MTMR8: variants seen among roughly 807,000 people sequenced by gnomAD.
The protein encoded by MTMR8 is myotubularin related protein 8.
Under a neutral mutation model 39.3 loss-of-function variants are expected in MTMR8, and 65 were observed. That is an observed-to-expected ratio of 1.65 (90% CI 1.35 to 2.03). The LOEUF is 2.03. Ranked by LOEUF, MTMR8 falls within the 30% of genes most tolerant of loss-of-function variation. The probability of loss-of-function intolerance (pLI) is 0.00; values close to 1 mark genes in which losing one functional copy is unlikely to be tolerated. For synonymous variants in MTMR8, 245 were observed against 185.2 expected (o/e 1.32, Z -2.62); for missense variants, 777 against 538.9 (o/e 1.44, Z -4.37).
At chrX:64,281,757 A>AACAG (rs199752322) in intron 12 of MTMR8, among the ~76,000 whole-genome samples, 25,612 of 110,004 alleles carry the variant, frequency 0.23, 7,342 homozygotes, top group African/African-American at 0.81. Context: ...CATCAGAGTG[A>AACAG]ACAACCTACA....
chrX:64,278,633 T>C (rs921240562), intron 12 of MTMR8, among the ~76,000 whole-genome samples: 1 of 107,763 alleles, frequency 9.3e-6, no homozygotes, highest in Non-Finnish European at 1.9e-5. Context: ...GCCACCATGC[T>C]CAACTAATTT....
intron 12 of MTMR8, among the ~76,000 whole-genome samples, chrX:64,313,025 A>T (rs960832947): frequency 5.3e-5 from 6 of 112,304 alleles, no homozygotes; most frequent in African/African-American, 1.9e-4. Flanking sequence ...TAAGGGCCCT[A>T]GGATTTTTGG....
chrX:64,315,876 C>A (rs1405722719), intron 12 of MTMR8, among the ~76,000 whole-genome samples: 1 of 110,834 alleles, frequency 9.0e-6, no homozygotes, highest in Non-Finnish European at 1.9e-5. Context: ...TTGAGTGTAT[C>A]TCCTTGTATA....
At chrX:64,373,265 C>A (rs2147242056) in intron 1 of MTMR8, among the ~76,000 whole-genome samples, 1 of 111,580 alleles carries the variant, frequency 9.0e-6, no homozygotes, top group Non-Finnish European at 1.9e-5. Flanking sequence ...TTTCCCAAAT[C>A]CTATGTTGAA....
intron 1 of MTMR8, among the ~76,000 whole-genome samples, chrX:64,389,038 C>T (rs1449026563): frequency 3.6e-5 from 4 of 111,706 alleles, no homozygotes; most frequent in Non-Finnish European, 7.5e-5. Context: ...CTTCGTATTT[C>T]CAGCTCTGGG....
intron 1 of MTMR8, among the ~76,000 whole-genome samples, chrX:64,373,157 C>G (rs777848680): frequency 1.8e-5 from 2 of 112,104 alleles, no homozygotes; most frequent in Non-Finnish European, 3.8e-5. Context: ...ATTAACTTAT[C>G]GAAGACCACA....
In MTMR8 at chrX:64,345,115, G is replaced by T. The variant is rs368859997; in HGVS notation, c.795C>A (p.Asn265Lys). Residue 265 changes from asparagine (N) to lysine (K), a missense_variant, in exon 7 of 14, where the codon AAC (asparagine) becomes AAA (lysine). Transcript: ENST00000374852. Reference sequence around the variant, plus strand: ...CAATGCCCATGAATCTGAAGCGAATGTTGGCATAGTTGTCTTCATTTTCAT... The same window carrying T: ...CAATGCCCATGAATCTGAAGCGAATTTTGGCATAGTTGTCTTCATTTTCAT... ...KGYENEDNYA[N>K]IRFRFMGIEN... 61 of 1,209,121 alleles carry T rather than the reference G, an allele frequency of 5.0e-5. No homozygotes were observed. The highest frequency in any genetic ancestry group is 3.3e-4 in the South Asian group (19 of 56,824).
chrX:64,382,493 G>A (rs1035688311), intron 1 of MTMR8, among the ~76,000 whole-genome samples: 2 of 111,563 alleles, frequency 1.8e-5, no homozygotes, highest in Admixed American at 9.5e-5. Context: ...TCAGCCTAAG[G>A]AGATTTTGGG....
chrX:64,298,255 C>A (rs1312160597), intron 12 of MTMR8, among the ~76,000 whole-genome samples: 1 of 104,201 alleles, frequency 9.6e-6, no homozygotes, highest in African/African-American at 3.6e-5. Flanking sequence ...TCTTTTATTT[C>A]CTTGAGCAGT....
chrX:64,335,968 G>T, intron 10 of MTMR8, 111 bp downstream of exon 10: 1 of 510,382 alleles, frequency 2.0e-6, no homozygotes, highest in Non-Finnish European at 3.2e-6. Context: ...AGAGATTTAT[G>T]CCATGTTCAA....
At chrX:64,318,708 G>GTTTTTTTT (rs1209006743) in intron 12 of MTMR8, among the ~76,000 whole-genome samples, 17 of 82,373 alleles carry the variant, frequency 2.1e-4, no homozygotes, top group Non-Finnish European at 3.2e-4. Context: ...TTGGTTTTTT[G>GTTTTTTTT]TTTTTTTTTT....
intron 12 of MTMR8, among the ~76,000 whole-genome samples, chrX:64,317,857 A>T (rs997186112): frequency 8.9e-6 from 1 of 112,436 alleles, no homozygotes; most frequent in African/African-American, 3.2e-5. Flanking sequence ...AAGGTTCTCC[A>T]TTTAGTTTCC....
intron 1 of MTMR8, among the ~76,000 whole-genome samples, chrX:64,377,538 C>T (rs1478314389): frequency 8.9e-6 from 1 of 112,246 alleles, no homozygotes; most frequent in Non-Finnish European, 1.9e-5. Flanking sequence ...TGCATGGTGC[C>T]TCTTTGTTTT....
chrX:64,372,438 T>G (rs1283692657), intron 1 of MTMR8, among the ~76,000 whole-genome samples: 2 of 111,496 alleles, frequency 1.8e-5, no homozygotes, highest in African/African-American at 6.5e-5. Context: ...GATACATACA[T>G]ACATACCACA....
intron 1 of MTMR8, among the ~76,000 whole-genome samples, chrX:64,379,849 A>G (rs1190770719): frequency 8.9e-6 from 1 of 111,743 alleles, no homozygotes; most frequent in Non-Finnish European, 1.9e-5. Flanking sequence ...AGTGGGTTTT[A>G]TTCCAGGTAT....
At chrX:64,279,188 C>A (rs1052241760) in intron 12 of MTMR8, among the ~76,000 whole-genome samples, 62 of 112,035 alleles carry the variant, frequency 5.5e-4, no homozygotes, top group African/African-American at 2.0e-3. Context: ...TTCCCCCTAA[C>A]ACTTCTCAAA....
At chrX:64,330,420 C>T (rs1276735480) in intron 11 of MTMR8, among the ~76,000 whole-genome samples, 3 of 111,210 alleles carry the variant, frequency 2.7e-5, no homozygotes, top group African/African-American at 9.8e-5. Context: ...ACAGGAAAAC[C>T]AAATCACAGA....
intron 1 of MTMR8, among the ~76,000 whole-genome samples, chrX:64,386,412 T>A (rs1161537422): frequency 9.0e-6 from 1 of 111,162 alleles, no homozygotes; most frequent in Non-Finnish European, 1.9e-5. Context: ...GATTAAACAG[T>A]TAAGTGAAAA....
At chrX:64,376,548 A>C (rs1924273975) in intron 1 of MTMR8, among the ~76,000 whole-genome samples, 1 of 112,042 alleles carries the variant, frequency 8.9e-6, no homozygotes, top group African/African-American at 3.3e-5. Flanking sequence ...GGCGGAATAA[A>C]TTTCTAAGCA....
Sources: allele counts gnomAD v4.1 joint callset (sites outside exome capture counted in the v4.1 genomes callset), GRCh38; gene constraint gnomAD v4.1.1; transcripts MANE v1.5; gene names NCBI Gene and HGNC (gene_info 2026-07-23, HGNC 2026-07-21).